The following APP variants were observed in gnomAD, a reference collection of about 807,000 sequenced individuals.
APP encodes the protein amyloid beta precursor protein, also known as amyloid-beta precursor protein.
Under a neutral mutation model 101.4 loss-of-function variants are expected in APP, and 31 were observed. That is an observed-to-expected ratio of 0.31 (90% CI 0.23 to 0.41). APP has a LOEUF of 0.41. APP is among the 10% of genes least tolerant of loss of function. The probability of loss-of-function intolerance (pLI) is 1.00; values close to 1 mark genes in which losing one functional copy is unlikely to be tolerated. For missense variants in APP, 839 were observed against 1,003.7 expected, an observed-to-expected ratio of 0.84 and a Z score of 2.22; for synonymous variants, 366 against 364.4, an observed-to-expected ratio of 1.00 and a Z score of -0.05.
At chr21:25,918,440 G>A (rs1490543183) in intron 13 of APP, among the ~76,000 whole-genome samples, 5 of 150,652 alleles carry the variant, frequency 3.3e-5, no homozygotes, top group Non-Finnish European at 5.9e-5. Flanking sequence ...CGCAGAAGAC[G>A]GGTGATTTCC....
At chr21:25,954,750 CTTTCTTTT>C (rs1367740862) in intron 12 of APP, 61 bp from the exon 13 acceptor site, 7 of 1,433,992 alleles carry the variant, frequency 4.9e-6, no homozygotes, top group Non-Finnish European at 6.8e-6. Flanking sequence ...GGTTCTTTTT[CTTTCTTTT>C]TTTCTTTTTT....
At chr21:26,151,956 T>C (rs994585503) in intron 1 of APP, among the ~76,000 whole-genome samples, 2 of 152,084 alleles carry the variant, frequency 1.3e-5, no homozygotes, top group African/African-American at 4.8e-5. Flanking sequence ...TTCCAGCCTA[T>C]GTTCAGGCTA....
chr21:26,054,479 C>A (rs189488612), intron 3 of APP, among the ~76,000 whole-genome samples: 2 of 152,140 alleles, frequency 1.3e-5, no homozygotes, highest in East Asian at 3.9e-4. Context: ...TATTTGCAGC[C>A]CATCTGGATA....
At chr21:26,165,660 T>G (rs548731165) in intron 1 of APP, among the ~76,000 whole-genome samples, 1 of 152,336 alleles carries the variant, frequency 6.6e-6, no homozygotes, top group Non-Finnish European at 1.5e-5. Flanking sequence ...ACCTCTCATC[T>G]TCCCCATTTT....
At chr21:25,984,812 A>T (rs1218018659) in intron 8 of APP, among the ~76,000 whole-genome samples, 6 of 152,242 alleles carry the variant, frequency 3.9e-5, no homozygotes, top group Non-Finnish European at 2.9e-5. Flanking sequence ...AATCTGGCAG[A>T]ATGACATGTT....
chr21:26,166,877 A>AGAGT (rs1181294249), intron 1 of APP, among the ~76,000 whole-genome samples: 3 of 89,690 alleles, frequency 3.3e-5, no homozygotes, highest in South Asian at 3.5e-4. Flanking sequence ...CAAGTGAGAG[A>AGAGT]GAGAGAGAGA....
At chr21:26,023,373 T>TAAAAAAA (rs35579863) in intron 5 of APP, among the ~76,000 whole-genome samples, 2 of 109,822 alleles carry the variant, frequency 1.8e-5, no homozygotes, top group African/African-American at 6.8e-5. Flanking sequence ...CCAAAAAAAT[T>TAAAAAAA]AAAAAAAAAA....
At chr21:26,019,193 T>C (rs1435304516) in intron 6 of APP, among the ~76,000 whole-genome samples, 3 of 152,228 alleles carry the variant, frequency 2.0e-5, no homozygotes, top group African/African-American at 7.2e-5. Flanking sequence ...AATTAATATT[T>C]GTTAATTAAT....
At chr21:25,943,669 G>A (rs1254872437) in intron 13 of APP, among the ~76,000 whole-genome samples, 1 of 151,534 alleles carries the variant, frequency 6.6e-6, no homozygotes, top group Admixed American at 6.6e-5. Context: ...GGCTGGTCTC[G>A]AACTCCTGCC....
chr21:26,130,404 C>T (rs979741293), intron 1 of APP, among the ~76,000 whole-genome samples: 5 of 152,200 alleles, frequency 3.3e-5, no homozygotes, highest in Admixed American at 6.5e-5. Context: ...GACTTCCAGG[C>T]ACAAGCCAGG....
At chr21:26,151,786 G>T (rs924123688) in intron 1 of APP, among the ~76,000 whole-genome samples, 2 of 152,144 alleles carry the variant, frequency 1.3e-5, no homozygotes, top group Non-Finnish European at 2.9e-5. Context: ...CTCACCCATT[G>T]CTCACCTACT....
chr21:25,993,492 C>T (rs2042946440), intron 8 of APP, among the ~76,000 whole-genome samples: 1 of 152,148 alleles, frequency 6.6e-6, no homozygotes, highest in African/African-American at 2.4e-5. Context: ...GCCACAGTAG[C>T]TTACATTAGA....
At chr21:26,139,654 G>C (rs1191888315) in intron 1 of APP, among the ~76,000 whole-genome samples, 1 of 152,150 alleles carries the variant, frequency 6.6e-6, no homozygotes, top group Non-Finnish European at 1.5e-5. Context: ...CAGCACTTTA[G>C]GAGGCCGAGG....
intron 13 of APP, among the ~76,000 whole-genome samples, chr21:25,939,316 T>C (rs2040480513): frequency 1.3e-5 from 2 of 152,354 alleles, no homozygotes; most frequent in African/African-American, 4.8e-5. Flanking sequence ...CACATTTGCA[T>C]ACAATATTAG....
At chr21:25,925,466 C>A (rs1364036986) in intron 13 of APP, among the ~76,000 whole-genome samples, 1 of 152,098 alleles carries the variant, frequency 6.6e-6, no homozygotes, top group African/African-American at 2.4e-5. Flanking sequence ...ACATGCAGAA[C>A]CTCAGGTCCC....
chr21:26,046,518 G>A (rs1207059230), intron 5 of APP, among the ~76,000 whole-genome samples: 1 of 150,236 alleles, frequency 6.7e-6, no homozygotes, highest in Admixed American at 6.6e-5. Flanking sequence ...ATCTTAAGCA[G>A]CTCTTTAAAA....
chr21:25,881,138 A>G lies in APP; in HGVS notation c.*532T>C, dbSNP rs1306226755. The G allele has an allele frequency of 5.4e-6, 1 of 185,698 alleles. No individual in the cohort carries two copies. The highest frequency in any genetic ancestry group is 2.4e-5 in the African/African-American group (1 of 41,980). The allele number at this position is 185,698 out of a possible 1,614,324, so 11.5% of individuals were successfully genotyped here. ...TAGCAGAAGCAGCAATCTGTACAGT[A>G]AAATGCAGTCATGGAAAAAAAATCT... On this transcript the variant is annotated 3_prime_UTR_variant, in exon 18 of 18. Transcript: ENST00000346798.
intron 1 of APP, among the ~76,000 whole-genome samples, chr21:26,165,989 G>C (rs2063598817): frequency 6.6e-6 from 1 of 152,090 alleles, no homozygotes; most frequent in Admixed American, 6.5e-5. Flanking sequence ...TACTTCTGAA[G>C]AGGTACCACT....
At chr21:25,932,141 C>T (rs1221138881) in intron 13 of APP, among the ~76,000 whole-genome samples, 1 of 151,954 alleles carries the variant, frequency 6.6e-6, no homozygotes, top group East Asian at 1.9e-4. Flanking sequence ...ATTTTTTATC[C>T]AAATAAAGTG....
Sources: allele counts gnomAD v4.1 joint callset (sites outside exome capture counted in the v4.1 genomes callset), GRCh38; gene constraint gnomAD v4.1.1; transcripts MANE v1.5; gene names NCBI Gene and HGNC (gene_info 2026-07-23, HGNC 2026-07-21).